Variants in ARHGAP22 observed in about 807,000 individuals in gnomAD.
ARHGAP22 encodes the protein rho GTPase-activating protein 22.
ARHGAP22 carries 48 observed loss-of-function variants against 59.1 expected under a neutral mutation model. That is an observed-to-expected ratio of 0.81 (90% CI 0.64 to 1.03). The LOEUF (loss-of-function observed/expected upper bound fraction) is 1.03, where lower values mean the gene tolerates loss of function less well. Among genes scored for constraint, ARHGAP22 ranks in the 50% least tolerant of loss-of-function variants. ARHGAP22 has a pLI of 0.00. For missense variants in ARHGAP22, 1,015 were observed against 958.7 expected (o/e 1.06, Z -0.78); for synonymous variants, 445 against 416.4 (o/e 1.07, Z -0.84).
the ARHGAP22 span, chr10:48,435,719 C>T: frequency 6.6e-6 from 1 of 152,182 alleles, no homozygotes; most frequent in Non-Finnish European, 1.5e-5. Flanking sequence ...GGGCGTCTAC[C>T]ACCACCTTAT....
intron 1 of ARHGAP22, among the ~76,000 whole-genome samples, chr10:48,638,020 C>T (rs534816353): frequency 1.3e-5 from 2 of 152,260 alleles, no homozygotes; most frequent in East Asian, 3.9e-4. Context: ...AAGTAGTCTC[C>T]TGCCTAGTAG....
chr10:48,562,007 A>C (rs930183742), intron 2 of ARHGAP22, among the ~76,000 whole-genome samples: 13 of 152,186 alleles, frequency 8.5e-5, no homozygotes, highest in Non-Finnish European at 1.8e-4. Flanking sequence ...TGGGCAGATC[A>C]CGAGGTCAGA....
At chr10:48,604,288 T>C (rs957038215) in intron 1 of ARHGAP22, among the ~76,000 whole-genome samples, 23 of 152,236 alleles carry the variant, frequency 1.5e-4, no homozygotes, top group Admixed American at 1.3e-3. Flanking sequence ...GCCCCTGGCC[T>C]GCTTGAGGAA....
At chr10:48,439,944 C>A in the ARHGAP22 span, among the ~76,000 whole-genome samples, 2 of 152,206 alleles carry the variant, frequency 1.3e-5, no homozygotes, top group Admixed American at 6.5e-5. Flanking sequence ...TTTTAGCTGC[C>A]CGCTGCTGCT....
chr10:48,564,773 C>T (rs911677971), intron 2 of ARHGAP22, among the ~76,000 whole-genome samples: 1 of 152,220 alleles, frequency 6.6e-6, no homozygotes, highest in Non-Finnish European at 1.5e-5. Flanking sequence ...TTTAGGGTGA[C>T]AGTCCCCTCA....
intron 3 of ARHGAP22, among the ~76,000 whole-genome samples, chr10:48,493,055 T>A (rs2134246870): frequency 6.6e-6 from 1 of 152,364 alleles, no homozygotes; most frequent in East Asian, 1.9e-4. Flanking sequence ...TAGCCACGTT[T>A]CATGTGCTTA....
intron 3 of ARHGAP22, among the ~76,000 whole-genome samples, chr10:48,480,817 G>A (rs2049228233): frequency 6.6e-6 from 1 of 152,248 alleles, no homozygotes; most frequent in African/African-American, 2.4e-5. Flanking sequence ...AATGCACACA[G>A]CGAATGAGTG....
At chr10:48,517,952 G>T (rs927020083) in intron 3 of ARHGAP22, among the ~76,000 whole-genome samples, 3 of 152,168 alleles carry the variant, frequency 2.0e-5, no homozygotes, top group African/African-American at 7.2e-5. Context: ...TGAGGCCTGC[G>T]TGCCTATCCC....
intron 5 of ARHGAP22, among the ~76,000 whole-genome samples, chr10:48,457,477 G>A (rs1183892462): frequency 6.6e-6 from 1 of 152,130 alleles, no homozygotes; most frequent in Admixed American, 6.5e-5. Flanking sequence ...GCATGTGGGT[G>A]CCCCTCCACC....
At chr10:48,441,302 T>C (rs75015664), downstream of ARHGAP22, among the ~76,000 whole-genome samples, 378 of 152,122 alleles carry the variant, frequency 2.5e-3, 1 homozygote, top group Non-Finnish European at 3.8e-3. Context: ...GAAGTGCAAG[T>C]GGGGCCTAGT....
intron 2 of ARHGAP22, among the ~76,000 whole-genome samples, chr10:48,555,963 G>T (rs1821269730): frequency 6.6e-6 from 1 of 152,212 alleles, no homozygotes; most frequent in African/African-American, 2.4e-5. Context: ...CAACAGATCT[G>T]TGTGCGTCCA....
intron 1 of ARHGAP22, among the ~76,000 whole-genome samples, chr10:48,592,938 T>C (rs1292145593): frequency 6.6e-6 from 1 of 152,262 alleles, no homozygotes; most frequent in Non-Finnish European, 1.5e-5. Flanking sequence ...TGCAGGTTCC[T>C]GAGCTCGCTC....
At position 48,479,121 on chromosome 10, in the gene ARHGAP22, G is replaced by A. The variant is rs78383389; in HGVS notation, c.451+515C>T. 1,060 of 154,370 alleles carry A rather than the reference G, an allele frequency of 6.9e-3. 12 individuals are homozygous for A. Among genetic ancestry groups the A allele is most frequent in the African/African-American group, 0.024 (1,013 of 41,592 alleles). 9.6% of individuals were successfully genotyped at this position (154,370 alleles called of 1,614,324 possible). On this transcript the variant is annotated intron_variant, in intron 4 of 9. Coordinates refer to ENST00000249601, the MANE Select transcript of ARHGAP22 (RefSeq NM_021226.4). Reference sequence around the variant, plus strand: ...GACATGCCTCGTGTTCCCAAAGCTCGTCCCTACCTCGGGGCCTTCGCACGT... The same window carrying A: ...GACATGCCTCGTGTTCCCAAAGCTCATCCCTACCTCGGGGCCTTCGCACGT...
intron 3 of ARHGAP22, among the ~76,000 whole-genome samples, chr10:48,518,628 T>C (rs34983450): frequency 5.9e-5 from 9 of 151,846 alleles, no homozygotes; most frequent in Admixed American, 1.3e-4. Flanking sequence ...GCCAGCAGCG[T>C]ATGGCACTGA....
At chr10:48,590,795 G>T (rs2059705687) in intron 1 of ARHGAP22, among the ~76,000 whole-genome samples, 1 of 140,978 alleles carries the variant, frequency 7.1e-6, no homozygotes, top group African/African-American at 2.5e-5. Context: ...GGTCATGGGG[G>T]TATTGCTTCC....
intron 2 of ARHGAP22, among the ~76,000 whole-genome samples, chr10:48,576,486 A>C (rs888751280): frequency 6.6e-6 from 1 of 152,262 alleles, no homozygotes; most frequent in African/African-American, 2.4e-5. Context: ...TTACAATAAC[A>C]CAGAAAAAAT....
At chr10:48,646,981 A>G (rs892920232) in intron 1 of ARHGAP22, among the ~76,000 whole-genome samples, 1 of 152,242 alleles carries the variant, frequency 6.6e-6, no homozygotes, top group Non-Finnish European at 1.5e-5. Flanking sequence ...ATTTAGGCAA[A>G]TTATATATCT....
At chr10:48,652,243 T>G (rs2062598860) in exon 1 of ARHGAP22, 1 of 1,535,382 alleles carries the variant, frequency 6.5e-7, no homozygotes, top group Non-Finnish European at 8.7e-7. Flanking sequence ...CTGAAATATC[T>G]GGCTGCAAAC....
At chr10:48,442,713 T>G (rs1240878724), downstream of ARHGAP22, among the ~76,000 whole-genome samples, 1 of 152,150 alleles carries the variant, frequency 6.6e-6, no homozygotes, top group East Asian at 1.9e-4. Context: ...CCTTGTCTCC[T>G]TTTACCACAG....
Sources: gnomAD v4.1 joint callset for allele counts (sites outside exome capture counted in the v4.1 genomes callset) on GRCh38, gnomAD v4.1.1 for gene constraint, MANE v1.5 for transcripts, NCBI Gene and HGNC (gene_info 2026-07-23, HGNC 2026-07-21) for gene names.